Variants in TENM2 observed in about 807,000 individuals in gnomAD.
TENM2 encodes teneurin-2.
Under a neutral mutation model 245.2 loss-of-function variants are expected in TENM2, and 52 were observed. The ratio of observed to expected loss-of-function variants is 0.21; its 90% CI spans 0.17 to 0.27. The LOEUF (loss-of-function observed/expected upper bound fraction) is 0.27. TENM2 is among the 10% of genes least tolerant of loss of function. The pLI is 1.00. For missense variants in TENM2, 3,046 were observed against 3,666.8 expected (o/e 0.83, Z 4.37); for synonymous variants, 1,363 against 1,438.9 (o/e 0.95, Z 1.19).
chr5:167,863,357 G>A (rs191397393), intron 2 of TENM2, among the ~76,000 whole-genome samples: 1 of 152,178 alleles, frequency 6.6e-6, no homozygotes, highest in Non-Finnish European at 1.5e-5. Context: ...GCTCACACCT[G>A]TAATCCCAGC....
intron 2 of TENM2, among the ~76,000 whole-genome samples, chr5:167,592,014 C>T (rs901417286): frequency 6.6e-6 from 1 of 152,122 alleles, no homozygotes; most frequent in Non-Finnish European, 1.5e-5. Flanking sequence ...ACAGCATTTG[C>T]CAGGAGGTGG....
chr5:168,113,667 A>G (rs1435484208), intron 9 of TENM2, among the ~76,000 whole-genome samples: 1 of 152,026 alleles, frequency 6.6e-6, no homozygotes, highest in African/African-American at 2.4e-5. Context: ...TGAGCTTTAT[A>G]CCATTTAGGT....
At chr5:167,011,362 G>T in the TENM2 span, among the ~76,000 whole-genome samples, 2 of 152,176 alleles carry the variant, frequency 1.3e-5, no homozygotes, top group African/African-American at 4.8e-5. Flanking sequence ...CTTCAGCCAA[G>T]CTGTGGGTCA....
At chr5:168,116,624 C>T (rs555118539) in intron 9 of TENM2, among the ~76,000 whole-genome samples, 22 of 152,236 alleles carry the variant, frequency 1.4e-4, no homozygotes, top group Admixed American at 3.3e-4. Context: ...CATTGATAAA[C>T]GTAGCAATGG....
At chr5:167,426,546 C>CAAAAA (rs59491444) in intron 2 of TENM2, among the ~76,000 whole-genome samples, 4 of 102,248 alleles carry the variant, frequency 3.9e-5, no homozygotes, top group Non-Finnish European at 7.9e-5. Flanking sequence ...CTTGCCTTTA[C>CAAAAA]AAAAAAAAAA....
chr5:167,505,860 A>G (rs1462602261), intron 2 of TENM2, among the ~76,000 whole-genome samples: 1 of 152,112 alleles, frequency 6.6e-6, no homozygotes, highest in Non-Finnish European at 1.5e-5. Context: ...ATGACCTTGG[A>G]TGAAGGAAGT....
intron 3 of TENM2, among the ~76,000 whole-genome samples, chr5:167,894,415 A>G (rs1391671521): frequency 2.0e-5 from 3 of 152,034 alleles, no homozygotes; most frequent in Non-Finnish European, 2.9e-5. Flanking sequence ...GCCACAGGCT[A>G]ACATTCATAA....
intron 8 of TENM2, among the ~76,000 whole-genome samples, chr5:168,092,561 G>A (rs1214785812): frequency 6.6e-6 from 1 of 152,172 alleles, no homozygotes. Context: ...TATAATGAAA[G>A]TCAGTGGAGA....
At chr5:167,275,442 A>G in the TENM2 span, among the ~76,000 whole-genome samples, 2 of 152,224 alleles carry the variant, frequency 1.3e-5, no homozygotes, top group Non-Finnish European at 2.9e-5. Flanking sequence ...CTGTATAACA[A>G]TTTGGGGAGA....
chr5:168,176,876 T>G (rs1759409065), intron 13 of TENM2, among the ~76,000 whole-genome samples: 1 of 152,248 alleles, frequency 6.6e-6, no homozygotes, highest in South Asian at 2.1e-4. Context: ...TATATACCGC[T>G]GATATCGTTT....
intron 2 of TENM2, among the ~76,000 whole-genome samples, chr5:167,595,095 A>C (rs17068804): frequency 6.6e-6 from 1 of 152,308 alleles, no homozygotes; most frequent in African/African-American, 2.4e-5. Flanking sequence ...TCAAGGTTTT[A>C]AGATAATCAT....
the TENM2 span, among the ~76,000 whole-genome samples, chr5:167,050,510 G>A: frequency 1.3e-5 from 2 of 152,284 alleles, no homozygotes; most frequent in East Asian, 3.9e-4. Flanking sequence ...CAACCTCATG[G>A]TAGGAGTTTG....
intron 2 of TENM2, among the ~76,000 whole-genome samples, chr5:167,585,295 G>A (rs1046755925): frequency 6.6e-6 from 1 of 152,190 alleles, no homozygotes; most frequent in Non-Finnish European, 1.5e-5. Context: ...ATGATGAAAA[G>A]TACACTTGTT....
chr5:167,998,340 C>T (rs779418804), intron 5 of TENM2, among the ~76,000 whole-genome samples: 2 of 152,182 alleles, frequency 1.3e-5, no homozygotes, highest in Non-Finnish European at 2.9e-5. Flanking sequence ...TCATTGCTTT[C>T]TTGTCCTAGG....
chr5:166,988,751 A>T, the TENM2 span, among the ~76,000 whole-genome samples: 1 of 152,196 alleles, frequency 6.6e-6, no homozygotes, highest in Admixed American at 6.5e-5. Context: ...CTCACACTGG[A>T]AACCCATTGC....
intron 2 of TENM2, among the ~76,000 whole-genome samples, chr5:167,385,612 C>G (rs972097726): frequency 4.0e-5 from 6 of 151,564 alleles, no homozygotes; most frequent in Non-Finnish European, 8.8e-5. Context: ...ATCACCTGAG[C>G]AGTACACACT....
chr5:167,314,905 T>C (rs1000374207), intron 1 of TENM2, among the ~76,000 whole-genome samples: 4 of 152,104 alleles, frequency 2.6e-5, no homozygotes, highest in African/African-American at 7.2e-5. Context: ...AAATAGATTT[T>C]TATACAAAAG....
chr5:167,865,781 C>T (rs1428974225), intron 2 of TENM2, among the ~76,000 whole-genome samples: 2 of 152,140 alleles, frequency 1.3e-5, no homozygotes, highest in Non-Finnish European at 2.9e-5. Flanking sequence ...AGGAAAAAAA[C>T]ATACATTTAA....
At chr5:168,203,890 C>A in intron 18 of TENM2, 58 bp downstream of exon 20, 2 of 1,506,096 alleles carry the variant, frequency 1.3e-6, no homozygotes, top group Middle Eastern at 1.9e-4. Context: ...GGAACCTTGT[C>A]TCTAGCCTCA....
Sources: gnomAD v4.1 joint callset for allele counts (sites outside exome capture counted in the v4.1 genomes callset) on GRCh38, gnomAD v4.1.1 for gene constraint, MANE v1.5 for transcripts, NCBI Gene and HGNC (gene_info 2026-07-23, HGNC 2026-07-21) for gene names.